Variants in PRSS23 observed in about 807,000 individuals in gnomAD.
The protein encoded by PRSS23 is protease, serine 23.
In PRSS23, 25 loss-of-function variants were observed where a neutral mutation model predicts 34.7. The observed-to-expected ratio is 0.72, with a 90% CI of 0.53 to 1.01. PRSS23 has a LOEUF of 1.01. Among genes scored for constraint, PRSS23 ranks in the 50% least tolerant of loss-of-function variants. The pLI is 0.00. For missense variants in PRSS23, 445 were observed against 475.6 expected (o/e 0.94, Z 0.60); for synonymous variants, 176 against 186.6 (o/e 0.94, Z 0.46).
At chr11:86,839,396 A>T (rs1948430904) in intron 2 of PRSS23, among the ~76,000 whole-genome samples, 1 of 152,168 alleles carries the variant, frequency 6.6e-6, no homozygotes, top group South Asian at 2.1e-4. Flanking sequence ...AGTGAGAAGA[A>T]TAGAGAAAAA....
intron 1 of PRSS23, among the ~76,000 whole-genome samples, chr11:86,803,595 A>G (rs551825449): frequency 3.2e-4 from 48 of 152,290 alleles, no homozygotes; most frequent in South Asian, 1.0e-3. Flanking sequence ...AATGCGGATG[A>G]GTCAGGGCAG....
intron 2 of PRSS23, chr11:86,949,978 A>G (rs1288049689): frequency 6.6e-6 from 1 of 152,402 alleles, no homozygotes; most frequent in Non-Finnish European, 1.5e-5. Context: ...TTCTGATAAC[A>G]TTCTTATGCT....
chr11:86,838,344 C>T (rs543284473), intron 2 of PRSS23, among the ~76,000 whole-genome samples: 15 of 152,280 alleles, frequency 9.9e-5, no homozygotes, highest in South Asian at 6.2e-4. Context: ...GCCACAGCCA[C>T]GGAGACTTGC....
intron 1 of PRSS23, among the ~76,000 whole-genome samples, chr11:86,801,982 C>T (rs1035137112): frequency 1.3e-5 from 2 of 152,144 alleles, no homozygotes; most frequent in Non-Finnish European, 2.9e-5. Context: ...ATTTTTGTAA[C>T]ACTGACGACT....
intron 1 of PRSS23, among the ~76,000 whole-genome samples, chr11:86,817,363 G>A (rs1423143181): frequency 6.6e-6 from 1 of 152,152 alleles, no homozygotes; most frequent in African/African-American, 2.4e-5. Context: ...AAACTCTTTA[G>A]ATAGCTATGG....
intron 2 of PRSS23, among the ~76,000 whole-genome samples, chr11:86,908,651 A>G (rs1468798485): frequency 6.6e-6 from 1 of 152,228 alleles, no homozygotes; most frequent in Non-Finnish European, 1.5e-5. Flanking sequence ...TTTGCGGTCC[A>G]TATAATCTGT....
At chr11:86,931,619 G>C (rs565038536) in intron 2 of PRSS23, among the ~76,000 whole-genome samples, 5 of 152,182 alleles carry the variant, frequency 3.3e-5, no homozygotes, top group Non-Finnish European at 7.3e-5. Flanking sequence ...GATTATTCTG[G>C]GGCGATGGAA....
intron 2 of PRSS23, among the ~76,000 whole-genome samples, chr11:86,863,978 C>T (rs73512444): frequency 5.6e-4 from 85 of 152,264 alleles, no homozygotes; most frequent in African/African-American, 1.8e-3. Flanking sequence ...ATGTCCATGA[C>T]GAGTTTTTAA....
chr11:86,843,099 G>T (rs1046554700), intron 2 of PRSS23, among the ~76,000 whole-genome samples: 2 of 151,954 alleles, frequency 1.3e-5, no homozygotes, highest in African/African-American at 4.8e-5. Context: ...CAGAACAGAG[G>T]CCTCAGAAAT....
upstream of PRSS23, among the ~76,000 whole-genome samples, chr11:86,797,058 C>T (rs1411797256): frequency 3.9e-5 from 6 of 152,262 alleles, no homozygotes; most frequent in Non-Finnish European, 8.8e-5. Flanking sequence ...CTCTCCCTGA[C>T]AGCCCAAATA....
At chr11:86,943,549 G>A (rs1449617981) in intron 2 of PRSS23, among the ~76,000 whole-genome samples, 2 of 151,986 alleles carry the variant, frequency 1.3e-5, no homozygotes, top group African/African-American at 2.4e-5. Context: ...ACTTGAACCA[G>A]GGAGGCGGAG....
At chr11:86,939,572 A>G (rs184079407) in intron 2 of PRSS23, among the ~76,000 whole-genome samples, 9 of 151,194 alleles carry the variant, frequency 6.0e-5, no homozygotes, top group Non-Finnish European at 1.3e-4. Flanking sequence ...TGGTAAATAT[A>G]CATCTTACAG....
intron 2 of PRSS23, among the ~76,000 whole-genome samples, chr11:86,897,264 T>C (rs1948882865): frequency 1.3e-5 from 2 of 152,192 alleles, no homozygotes; most frequent in African/African-American, 4.8e-5. Context: ...AAAGTGCTTT[T>C]TTTATTTTAA....
chr11:86,888,460 C>T (rs1388669309), intron 2 of PRSS23, among the ~76,000 whole-genome samples: 2 of 152,202 alleles, frequency 1.3e-5, no homozygotes, highest in East Asian at 1.9e-4. Context: ...CCAAGCACTT[C>T]ACCCTCTGAA....
At chr11:86,871,343 G>A (rs1327688512) in intron 2 of PRSS23, among the ~76,000 whole-genome samples, 1 of 152,162 alleles carries the variant, frequency 6.6e-6, no homozygotes, top group Non-Finnish European at 1.5e-5. Context: ...CAAGCACTGT[G>A]TGACCTCTGG....
At chr11:86,866,960 C>T (rs1268345111) in intron 2 of PRSS23, among the ~76,000 whole-genome samples, 1 of 152,182 alleles carries the variant, frequency 6.6e-6, no homozygotes, top group Non-Finnish European at 1.5e-5. Context: ...GAATCATGAG[C>T]CAAGTAAGGC....
At chr11:86,950,696 T>C (rs1171701797) in intron 2 of PRSS23, 1 of 232,412 alleles carries the variant, frequency 4.3e-6, no homozygotes, top group Admixed American at 5.1e-5. Context: ...CCAGTGTTTA[T>C]AGATTGCTTT....
chr11:86,952,336 T>C (rs911736787), exon 3 of PRSS23: 1 of 1,614,230 alleles, frequency 6.2e-7, no homozygotes. Context: ...TCAGACTCTC[T>C]GGCCAGGCAA....
chr11:86,860,142 C>A (rs1948603094), intron 2 of PRSS23, among the ~76,000 whole-genome samples: 1 of 151,488 alleles, frequency 6.6e-6, no homozygotes, highest in African/African-American at 2.4e-5. Context: ...GGGATGTACA[C>A]CCCTCCATGA....
Sources: allele counts gnomAD v4.1 joint callset (sites outside exome capture counted in the v4.1 genomes callset), GRCh38; gene constraint gnomAD v4.1.1; transcripts MANE v1.5; gene names NCBI Gene and HGNC (gene_info 2026-07-23, HGNC 2026-07-21).